SPAG16: variants seen among roughly 807,000 people sequenced by gnomAD.
SPAG16 encodes sperm associated antigen 16, also known as sperm-associated antigen 16 protein.
A neutral mutation model predicts 80.4 loss-of-function variants in SPAG16; 86 were observed. The observed-to-expected ratio is 1.07, with a 90% CI of 0.90 to 1.28. The LOEUF is 1.28. SPAG16 is among the 50% of genes most tolerant of loss of function. The probability of loss-of-function intolerance (pLI) is 0.00; values close to 1 mark genes in which losing one functional copy is unlikely to be tolerated. For synonymous variants in SPAG16, 294 were observed against 265.9 expected, an observed-to-expected ratio of 1.11 and a Z score of -1.03; for missense variants, 870 against 765.3, an observed-to-expected ratio of 1.14 and a Z score of -1.61.
intron 15 of SPAG16, among the ~76,000 whole-genome samples, chr2:214,355,424 G>A (rs1473644920): frequency 1.4e-5 from 2 of 145,152 alleles, no homozygotes; most frequent in African/African-American, 5.0e-5. Flanking sequence ...ATGAAAAAAT[G>A]TTCACCATCA....
chr2:213,719,238 T>TGGTGGG (rs1559407007), intron 10 of SPAG16, among the ~76,000 whole-genome samples: 1 of 152,064 alleles, frequency 6.6e-6, no homozygotes, highest in Non-Finnish European at 1.5e-5. Flanking sequence ...CTAGCTGCTC[T>TGGTGGG]GGTGGGGCCT....
chr2:214,248,369 G>A (rs961109126), intron 15 of SPAG16, among the ~76,000 whole-genome samples: 1 of 150,732 alleles, frequency 6.6e-6, no homozygotes. Context: ...CCAGGCTGGA[G>A]TGCAGTGGCA....
At chr2:213,640,402 G>A (rs7425324) in intron 10 of SPAG16, among the ~76,000 whole-genome samples, 40,048 of 151,974 alleles carry the variant, frequency 0.26, 6,151 homozygotes, top group Middle Eastern at 0.42. Context: ...TGGAGCACAG[G>A]AGCTGCTGTT....
chr2:214,334,066 C>T lies in SPAG16; in HGVS notation c.1721-76074C>T, dbSNP rs370411267. 3.3e-5 allele frequency among the ~76,000 whole-genome samples: 5 copies of T among 152,318 alleles called. No individual in the cohort carries two copies. In the East Asian group the frequency reaches 5.8e-4, roughly 18 times the overall value. On this transcript the variant is annotated intron_variant, in intron 15 of 15. Coordinates refer to ENST00000331683, the MANE Select transcript of SPAG16 (RefSeq NM_024532.5). ...CCCATATCCAATATGTCCCATGCCC[C>T]TTGACCCAGCACCCTCAGAAAGCAG...
At chr2:213,560,570 T>C (rs2059569542) in intron 10 of SPAG16, among the ~76,000 whole-genome samples, 1 of 152,198 alleles carries the variant, frequency 6.6e-6, no homozygotes. Flanking sequence ...ATTTATATTC[T>C]CAGATCCCTT....
chr2:214,151,981 G>A (rs1443632377), intron 15 of SPAG16, among the ~76,000 whole-genome samples: 1 of 152,082 alleles, frequency 6.6e-6, no homozygotes, highest in Admixed American at 6.6e-5. Context: ...TTTAATTTAA[G>A]GGTGTCTCAA....
At chr2:214,303,698 G>T (rs998348185) in intron 15 of SPAG16, among the ~76,000 whole-genome samples, 3 of 152,100 alleles carry the variant, frequency 2.0e-5, no homozygotes, top group Admixed American at 6.6e-5. Context: ...TCCTAAGTTT[G>T]CCCATCAAAT....
At chr2:213,461,014 T>G (rs2072328421) in intron 9 of SPAG16, among the ~76,000 whole-genome samples, 1 of 152,152 alleles carries the variant, frequency 6.6e-6, no homozygotes, top group East Asian at 1.9e-4. Flanking sequence ...CTCAGAAGAA[T>G]AGGTTGAATC....
At chr2:213,844,582 G>A (rs2074518800) in intron 10 of SPAG16, among the ~76,000 whole-genome samples, 1 of 152,026 alleles carries the variant, frequency 6.6e-6, no homozygotes, top group South Asian at 2.1e-4. Flanking sequence ...TAAATCTAAC[G>A]ACACAGAAAA....
intron 13 of SPAG16, among the ~76,000 whole-genome samples, chr2:214,031,196 C>A (rs1260872762): frequency 6.6e-6 from 1 of 151,594 alleles, no homozygotes; most frequent in Admixed American, 6.6e-5. Context: ...GCTAGAGGTC[C>A]AACCATGATA....
chr2:213,613,695 C>A (rs904552572), intron 10 of SPAG16, among the ~76,000 whole-genome samples: 1 of 151,624 alleles, frequency 6.6e-6, no homozygotes, highest in Non-Finnish European at 1.5e-5. Context: ...TTCTCTGCCT[C>A]TTCTCTAGAA....
intron 14 of SPAG16, among the ~76,000 whole-genome samples, chr2:214,135,782 T>C (rs1487055445): frequency 6.6e-6 from 1 of 151,990 alleles, no homozygotes; most frequent in African/African-American, 2.4e-5. Flanking sequence ...ATGTGATCTC[T>C]GCACACACTG....
At chr2:213,335,600 A>G (rs1279622620) in intron 5 of SPAG16, among the ~76,000 whole-genome samples, 1 of 152,206 alleles carries the variant, frequency 6.6e-6, no homozygotes, top group Non-Finnish European at 1.5e-5. Flanking sequence ...TTCTTGATAT[A>G]CGCAAATGGG....
chr2:213,732,332 C>T (rs1478811031), intron 10 of SPAG16, among the ~76,000 whole-genome samples: 1 of 55,644 alleles, frequency 1.8e-5, no homozygotes, highest in Non-Finnish European at 4.6e-5. Flanking sequence ...TCACGATTGC[C>T]CCCCCCGCAA....
intron 14 of SPAG16, among the ~76,000 whole-genome samples, chr2:214,126,266 A>G (rs533882057): frequency 3.3e-5 from 5 of 151,338 alleles, no homozygotes; most frequent in African/African-American, 1.2e-4. Context: ...TTCCGTTTCT[A>G]TGACTCGCCT....
At chr2:213,799,139 T>C (rs754484444) in intron 10 of SPAG16, among the ~76,000 whole-genome samples, 2 of 152,196 alleles carry the variant, frequency 1.3e-5, no homozygotes, top group Non-Finnish European at 2.9e-5. Context: ...GAGATTCCAT[T>C]GAATCTATAG....
chr2:213,664,856 C>T (rs1246717839), intron 10 of SPAG16, among the ~76,000 whole-genome samples: 3 of 151,968 alleles, frequency 2.0e-5, no homozygotes, highest in Non-Finnish European at 4.4e-5. Flanking sequence ...CACACATATT[C>T]ATATACATAT....
At chr2:214,015,677 G>A (rs867972573) in intron 13 of SPAG16, among the ~76,000 whole-genome samples, 1 of 152,084 alleles carries the variant, frequency 6.6e-6, no homozygotes. Context: ...GGTCATTTTG[G>A]AGGGAGGGAG....
At chr2:213,299,817 C>A (rs2062659471) in intron 3 of SPAG16, among the ~76,000 whole-genome samples, 1 of 151,904 alleles carries the variant, frequency 6.6e-6, no homozygotes, top group Admixed American at 6.6e-5. Flanking sequence ...ATTATACTAT[C>A]AGTAGTTTCT....
Sources: allele counts gnomAD v4.1 joint callset (sites outside exome capture counted in the v4.1 genomes callset), GRCh38; gene constraint gnomAD v4.1.1; transcripts MANE v1.5; gene names NCBI Gene and HGNC (gene_info 2026-07-23, HGNC 2026-07-21).